Variants in MYBPC1 observed in about 807,000 individuals in gnomAD.
MYBPC1 encodes the protein myosin binding protein C1, also known as myosin-binding protein C, slow-type.
MYBPC1 carries 52 observed loss-of-function variants against 147.1 expected under a neutral mutation model. The ratio of observed to expected loss-of-function variants is 0.35; its 90% CI spans 0.28 to 0.45. The LOEUF is 0.45. Ranked by LOEUF, MYBPC1 falls within the 20% of genes least tolerant of loss-of-function variation. The pLI, the probability that MYBPC1 is intolerant of heterozygous loss-of-function variation, is 1.00. For missense variants in MYBPC1, 1,228 were observed against 1,440.3 expected (o/e 0.85, Z 2.39); for synonymous variants, 477 against 475.9 (o/e 1.00, Z -0.03).
the MYBPC1 span, among the ~76,000 whole-genome samples, chr12:101,693,154 G>A: frequency 3.3e-5 from 5 of 152,164 alleles, no homozygotes; most frequent in East Asian, 9.7e-4. Flanking sequence ...CACCGTGTTA[G>A]CCAGGATGGT....
At chr12:101,626,996 G>A in intron 4 of MYBPC1, 86 bp downstream of exon 4, 1 of 1,288,436 alleles carries the variant, frequency 7.8e-7, no homozygotes, top group Non-Finnish European at 1.1e-6. Flanking sequence ...GAGCCTCCTT[G>A]CTGAGTCAGT....
intron 1 of MYBPC1, among the ~76,000 whole-genome samples, chr12:101,607,932 T>G (rs908613990): frequency 2.0e-5 from 3 of 152,182 alleles, no homozygotes; most frequent in African/African-American, 7.2e-5. Context: ...ATGGACTCCA[T>G]TGGAGAGGGC....
chr12:101,647,494 T>G (rs11110910), intron 13 of MYBPC1, among the ~76,000 whole-genome samples: 4,719 of 152,332 alleles, frequency 0.031, 266 homozygotes, highest in East Asian at 0.25. Flanking sequence ...GAACAATAAT[T>G]GATTTGACTT....
At chr12:101,606,988 C>A (rs1882458780) in intron 1 of MYBPC1, among the ~76,000 whole-genome samples, 1 of 152,028 alleles carries the variant, frequency 6.6e-6, no homozygotes, top group Non-Finnish European at 1.5e-5. Context: ...CCATGCCCGA[C>A]TAATTTCTTG....
At chr12:101,645,572 T>C (rs1469596124) in intron 12 of MYBPC1, among the ~76,000 whole-genome samples, 1 of 152,262 alleles carries the variant, frequency 6.6e-6, no homozygotes, top group Non-Finnish European at 1.5e-5. Context: ...AATGTGGTCA[T>C]GCCACTAGAG....
At chr12:101,670,934 C>A (rs2136661808) in intron 24 of MYBPC1, among the ~76,000 whole-genome samples, 1 of 152,228 alleles carries the variant, frequency 6.6e-6, no homozygotes, top group South Asian at 2.1e-4. Context: ...ATCTGTTCTT[C>A]ACAAAATTCA....
In MYBPC1 at chr12:101,631,649, A is replaced by T. The variant is rs1889919064; in HGVS notation, c.368A>T (p.Lys123Ile). 6.2e-7 allele frequency: 1 copy of T among 1,614,116 alleles called. No homozygotes were observed. Among genetic ancestry groups the T allele is most frequent in the Admixed American group, 1.7e-5 (1 of 60,010 alleles). The change falls in exon 7 of 32, where the codon AAA (lysine) becomes ATA (isoleucine). Residue 123 changes from lysine to isoleucine, a missense_variant. Lys to Ile is a moderately radical substitution (Grantham distance 102). Coordinates refer to ENST00000361466, the MANE Select transcript of MYBPC1 (RefSeq NM_002465.4). ...RKPTIKWFKG[K>I]WMDLASKAGK... ...CCCACTATCAAATGGTTCAAAGGAA[A>T]ATGGATGGACCTGGCCAGCAAAGCC...
At chr12:101,663,087 T>C (rs1896851333) in intron 21 of MYBPC1, among the ~76,000 whole-genome samples, 1 of 151,766 alleles carries the variant, frequency 6.6e-6, no homozygotes, top group African/African-American at 2.4e-5. Context: ...TGGAAAAAAA[T>C]GTAATACAAG....
chr12:101,627,964 T>C (rs1315918289), intron 5 of MYBPC1, 160 bp downstream of exon 5: 3 of 833,988 alleles, frequency 3.6e-6, no homozygotes, highest in South Asian at 1.5e-5. Flanking sequence ...AACTAATGTA[T>C]TGAGAAACAA....
At chr12:101,677,206 C>A in intron 26 of MYBPC1, 29 bp from the exon 27 acceptor site, 2 of 1,602,236 alleles carry the variant, frequency 1.2e-6, no homozygotes, top group South Asian at 1.1e-5. Flanking sequence ...AGGTGATTTT[C>A]CTCCAGTTAT....
chr12:101,644,908 C>A, intron 12 of MYBPC1, 112 bp downstream of exon 12: 1 of 1,077,166 alleles, frequency 9.3e-7, no homozygotes, highest in Non-Finnish European at 1.4e-6. Context: ...AATACAAAAT[C>A]ATATGGAGAG....
At chr12:101,663,130 A>G (rs1896858742) in intron 21 of MYBPC1, among the ~76,000 whole-genome samples, 1 of 152,156 alleles carries the variant, frequency 6.6e-6, no homozygotes, top group Admixed American at 6.5e-5. Context: ...CAATGGGAAA[A>G]TTACTCTAGA....
At chr12:101,673,660 G>A in intron 25 of MYBPC1, 38 bp downstream of exon 25, 1 of 1,606,780 alleles carries the variant, frequency 6.2e-7, no homozygotes, top group Non-Finnish European at 8.5e-7. Context: ...TTCTGTCAAA[G>A]CAGTACAGGG....
chr12:101,681,485 T>G (rs1265320202), intron 29 of MYBPC1, among the ~76,000 whole-genome samples: 2 of 139,652 alleles, frequency 1.4e-5, no homozygotes, highest in African/African-American at 5.3e-5. Context: ...TTTATGTTTT[T>G]TAAAAAGAGT....
intron 22 of MYBPC1, 66 bp downstream of exon 22, chr12:101,663,626 T>G: frequency 6.5e-7 from 1 of 1,544,094 alleles, no homozygotes; most frequent in Non-Finnish European, 8.9e-7. Context: ...CTCCCCTTTC[T>G]TTTGTCTCTC....
intron 8 of MYBPC1, among the ~76,000 whole-genome samples, chr12:101,633,692 A>C (rs924373111): frequency 7.9e-5 from 12 of 151,192 alleles, no homozygotes; most frequent in Non-Finnish European, 1.0e-4. Flanking sequence ...GTCTCAACAA[A>C]AAAAAAAAAG....
At chr12:101,684,496 GC>G in intron 31 of MYBPC1, 72 bp downstream of exon 31, 1 of 1,172,868 alleles carries the variant, frequency 8.5e-7, no homozygotes, top group Middle Eastern at 2.1e-4. Flanking sequence ...GTGGAGTATG[GC>G]ATGATTTTCA....
At chr12:101,639,429 A>G (rs1479084257) in intron 10 of MYBPC1, among the ~76,000 whole-genome samples, 4 of 152,232 alleles carry the variant, frequency 2.6e-5, no homozygotes, top group African/African-American at 9.6e-5. Flanking sequence ...CATTAAGGAA[A>G]TGCTGGAGGT....
intron 13 of MYBPC1, 33 bp downstream of exon 13, chr12:101,646,920 G>T: frequency 1.2e-6 from 2 of 1,613,212 alleles, no homozygotes; most frequent in Non-Finnish European, 1.7e-6. Context: ...TGGTCACCAG[G>T]AGCTGTTGGC....
Sources: allele counts gnomAD v4.1 joint callset (sites outside exome capture counted in the v4.1 genomes callset), GRCh38; gene constraint gnomAD v4.1.1; transcripts MANE v1.5; gene names NCBI Gene and HGNC (gene_info 2026-07-23, HGNC 2026-07-21).